The following ATRNL1 variants were observed in gnomAD, a reference collection of about 807,000 sequenced individuals.
The protein encoded by ATRNL1 is attractin like 1.
In ATRNL1, 95 loss-of-function variants were observed where a neutral mutation model predicts 182.7. The ratio of observed to expected loss-of-function variants is 0.52; its 90% CI spans 0.44 to 0.62. The LOEUF (loss-of-function observed/expected upper bound fraction) is 0.62. Ranked by LOEUF, ATRNL1 falls within the 20% of genes least tolerant of loss-of-function variation. The pLI, the probability that ATRNL1 is intolerant of heterozygous loss-of-function variation, is 0.00. For missense variants in ATRNL1, 1,471 were observed against 1,679.5 expected, an observed-to-expected ratio of 0.88 and a Z score of 2.17; for synonymous variants, 576 against 568.3, an observed-to-expected ratio of 1.01 and a Z score of -0.19.
intron 28 of ATRNL1, among the ~76,000 whole-genome samples, chr10:115,886,164 A>G (rs1418384149): frequency 6.6e-6 from 1 of 152,208 alleles, no homozygotes; most frequent in African/African-American, 2.4e-5. Flanking sequence ...AAGTTCAAAT[A>G]GCAAAAAGCA....
chr10:115,418,829 A>G (rs1164386859), intron 20 of ATRNL1, among the ~76,000 whole-genome samples: 1 of 152,208 alleles, frequency 6.6e-6, no homozygotes, highest in African/African-American at 2.4e-5. Context: ...CTGCCAACCA[A>G]GAATACTATA....
At chr10:115,905,585 A>G (rs1177462727) in intron 28 of ATRNL1, among the ~76,000 whole-genome samples, 1 of 152,120 alleles carries the variant, frequency 6.6e-6, no homozygotes, top group Non-Finnish European at 1.5e-5. Flanking sequence ...AGAATCTATG[A>G]CCTGTGAATA....
chr10:115,848,342 G>T (rs1024404575), intron 28 of ATRNL1, among the ~76,000 whole-genome samples: 3 of 152,266 alleles, frequency 2.0e-5, no homozygotes, highest in Admixed American at 1.3e-4. Flanking sequence ...CTTCCAGTAT[G>T]TGTGGCATGT....
intron 14 of ATRNL1, among the ~76,000 whole-genome samples, chr10:115,284,007 T>C (rs2133932638): frequency 6.6e-6 from 1 of 152,332 alleles, no homozygotes; most frequent in South Asian, 2.1e-4. Context: ...CTCAAGGAAG[T>C]GAATGCTCTA....
intron 9 of ATRNL1, among the ~76,000 whole-genome samples, chr10:115,234,754 C>G (rs1225725882): frequency 6.6e-6 from 1 of 151,822 alleles, no homozygotes. Context: ...GCAGGGCCGA[C>G]TAATTTTTGT....
chr10:115,939,844 C>T (rs1247710741), intron 28 of ATRNL1, among the ~76,000 whole-genome samples: 1 of 152,144 alleles, frequency 6.6e-6, no homozygotes, highest in Non-Finnish European at 1.5e-5. Context: ...CAGAAGACCT[C>T]TCACCAGGAA....
chr10:115,392,763 ACTTT>A (rs1844091739), intron 19 of ATRNL1, among the ~76,000 whole-genome samples: 1 of 152,136 alleles, frequency 6.6e-6, no homozygotes, highest in African/African-American at 2.4e-5. Context: ...GGAGACACAT[ACTTT>A]CTTCCTGTTC....
At chr10:115,206,350 T>G (rs1554893769) in intron 8 of ATRNL1, among the ~76,000 whole-genome samples, 1 of 152,136 alleles carries the variant, frequency 6.6e-6, no homozygotes, top group African/African-American at 2.4e-5. Context: ...AGGACTATTA[T>G]TAACTACATC....
chr10:115,253,775 C>T (rs1446368283), intron 10 of ATRNL1, among the ~76,000 whole-genome samples: 1 of 152,106 alleles, frequency 6.6e-6, no homozygotes, highest in Non-Finnish European at 1.5e-5. Context: ...TCTCCTAATG[C>T]TATCCATCCC....
intron 19 of ATRNL1, among the ~76,000 whole-genome samples, chr10:115,335,021 G>C (rs1855416046): frequency 6.6e-6 from 1 of 151,972 alleles, no homozygotes. Context: ...TGTAATATAG[G>C]CCTTAGGAAT....
chr10:115,306,197 A>T (rs1235552100), intron 17 of ATRNL1, among the ~76,000 whole-genome samples: 1 of 152,136 alleles, frequency 6.6e-6, no homozygotes, highest in East Asian at 1.9e-4. Context: ...CCATTGGTAA[A>T]TAATCTTTAG....
intron 27 of ATRNL1, among the ~76,000 whole-genome samples, chr10:115,767,861 G>T (rs2134160113): frequency 6.6e-6 from 1 of 152,198 alleles, no homozygotes; most frequent in South Asian, 2.1e-4. Flanking sequence ...AGTTTTGTTT[G>T]TTGTCTTAAT....
rs569362286 is a variant in ATRNL1, at chr10:115,703,269, T to C, written c.3796-23979T>C. Among the ~76,000 whole-genome samples the C allele has an allele frequency of 4.2e-4, 64 of 152,112 alleles. 1 individual carries two copies. The South Asian group carries it at 0.01, about 25-fold the overall frequency. The stretch of plus-strand genomic sequence containing the variant: ...TATACAAAAATTAATGCAAGATGAA[T>C]TAAAGATTTAAATGTAAGACCTCAA... On this transcript the variant is annotated intron_variant, in intron 26 of 28. Coordinates refer to ENST00000355044, the MANE Select transcript of ATRNL1 (RefSeq NM_207303.4).
intron 27 of ATRNL1, among the ~76,000 whole-genome samples, chr10:115,809,372 T>C (rs1949995300): frequency 6.6e-6 from 1 of 152,080 alleles, no homozygotes; most frequent in African/African-American, 2.4e-5. Flanking sequence ...AATCAGATTA[T>C]GAATGAGATT....
At chr10:115,815,052 A>G (rs2420122) in intron 27 of ATRNL1, among the ~76,000 whole-genome samples, 118,547 of 152,054 alleles carry the variant, frequency 0.78, 46,376 homozygotes, top group African/African-American at 0.84. Context: ...AAGACAACCC[A>G]CCTACAGATT....
At chr10:115,613,573 T>A (rs782411297) in intron 26 of ATRNL1, among the ~76,000 whole-genome samples, 5 of 152,106 alleles carry the variant, frequency 3.3e-5, no homozygotes, top group Non-Finnish European at 7.4e-5. Context: ...TCTTCATCAG[T>A]TTTTTGGAAT....
intron 25 of ATRNL1, among the ~76,000 whole-genome samples, chr10:115,542,583 C>T (rs1405815966): frequency 3.9e-5 from 6 of 152,010 alleles, no homozygotes; most frequent in South Asian, 2.1e-4. Context: ...AAAGTTGGTG[C>T]GTAGTGTTAT....
chr10:115,735,287 G>A (rs1393454251), intron 27 of ATRNL1, among the ~76,000 whole-genome samples: 2 of 151,990 alleles, frequency 1.3e-5, no homozygotes, highest in African/African-American at 4.8e-5. Flanking sequence ...TACAATCTAA[G>A]AAATGTATTT....
At chr10:115,755,462 T>C (rs1555071730) in intron 27 of ATRNL1, among the ~76,000 whole-genome samples, 1 of 152,110 alleles carries the variant, frequency 6.6e-6, no homozygotes, top group African/African-American at 2.4e-5. Flanking sequence ...GTTTATGTGA[T>C]GTTTACCTTT....
Sources: allele counts gnomAD v4.1 joint callset (sites outside exome capture counted in the v4.1 genomes callset), GRCh38; gene constraint gnomAD v4.1.1; transcripts MANE v1.5; gene names NCBI Gene and HGNC (gene_info 2026-07-23, HGNC 2026-07-21).